TTLL9: variants seen among roughly 807,000 people sequenced by gnomAD.
The protein encoded by TTLL9 is probable tubulin polyglutamylase TTLL9.
Under a neutral mutation model 65.6 loss-of-function variants are expected in TTLL9, and 47 were observed. The ratio of observed to expected loss-of-function variants is 0.72; its 90% CI spans 0.57 to 0.91. The LOEUF (loss-of-function observed/expected upper bound fraction) is 0.91, where lower values mean the gene tolerates loss of function less well. Among genes scored for constraint, TTLL9 ranks in the 40% least tolerant of loss-of-function variants. The pLI is 0.00. For missense variants in TTLL9, 537 were observed against 568.8 expected (o/e 0.94, Z 0.57); for synonymous variants, 179 against 204.8 (o/e 0.87, Z 1.07).
At chr20:31,936,564 G>A (rs865850521) in intron 12 of TTLL9, among the ~76,000 whole-genome samples, 3 of 152,028 alleles carry the variant, frequency 2.0e-5, no homozygotes, top group African/African-American at 7.3e-5. Flanking sequence ...GCACTCTCCT[G>A]GGGCTGGCCA....
At chr20:31,897,366 C>A (rs187565169) in intron 3 of TTLL9, among the ~76,000 whole-genome samples, 4 of 152,270 alleles carry the variant, frequency 2.6e-5, no homozygotes, top group Admixed American at 2.6e-4. Flanking sequence ...GGCTCCATAG[C>A]GGTAGCCTCT....
chr20:31,925,837 T>G, intron 9 of TTLL9: 1 of 1,534,964 alleles, frequency 6.5e-7, no homozygotes, highest in Non-Finnish European at 8.8e-7. Context: ...TATATTCCCT[T>G]TCCCTTCTCT....
At position 31,943,947 on chromosome 20, in the gene TTLL9, G is replaced by C. The variant is rs1343763489; in HGVS notation, c.*926G>C. ...GGGGCTGTTGGGGTAACTGTTCCAG[G>C]GGGGACTTACTCCCTCTACCACTCC... On this transcript the variant is annotated 3_prime_UTR_variant, in exon 15 of 15. Coordinates refer to ENST00000535842, the MANE Select transcript of TTLL9 (RefSeq NM_001008409.5). 9.7e-6 allele frequency: 4 copies of C among 412,294 alleles called. No homozygotes were observed. Among genetic ancestry groups the C allele is most frequent in the Admixed American group, 5.2e-5 (2 of 38,386 alleles). 25.5% of individuals were successfully genotyped at this position (412,294 alleles called of 1,614,324 possible).
chr20:31,925,175 T>C lies in TTLL9; in HGVS notation c.705+126T>C, dbSNP rs569500582. 7 of 978,732 alleles carry C rather than the reference T, an allele frequency of 7.2e-6. No individual in the cohort carries two copies. The South Asian group carries it at 8.9e-5, about 12-fold the overall frequency. The allele number at this position is 978,732 out of a possible 1,614,324, so 60.6% of individuals were successfully genotyped here. ...TCTGGTTTTATCTCTCCCTGGGAGA[T>C]CCCCGAGGGACATCTAGGGATAGGG... On this transcript the variant is annotated intron_variant, in intron 9 of 14. Coordinates refer to ENST00000535842, the MANE Select transcript of TTLL9 (RefSeq NM_001008409.5).
At position 31,903,669 on chromosome 20, in the gene TTLL9, A is replaced by T. The variant is rs146264899; in HGVS notation, c.207-4922A>T. Among the ~76,000 whole-genome samples, 892 of 152,304 alleles carry T rather than the reference A, an allele frequency of 5.9e-3. 7 individuals are homozygous for T. Among genetic ancestry groups the T allele is most frequent in the African/African-American group, 0.021 (857 of 41,556 alleles). Reference sequence around the variant, plus strand: ...GGTGTGAGGTAGGTGTCCAACTTTAATATTTTAAAATACTTATTTTTAAAC... The same window carrying T: ...GGTGTGAGGTAGGTGTCCAACTTTATTATTTTAAAATACTTATTTTTAAAC... On this transcript the variant is annotated intron_variant, in intron 4 of 14. Transcript: ENST00000535842.
intron 6 of TTLL9, among the ~76,000 whole-genome samples, chr20:31,914,988 G>A (rs531393062): frequency 1.4e-4 from 21 of 152,298 alleles, no homozygotes; most frequent in African/African-American, 4.8e-4. Context: ...AAATATGTGC[G>A]CTTTTCATTA....
chr20:31,898,604 G>T, intron 4 of TTLL9, 39 bp downstream of exon 4: 1 of 1,572,114 alleles, frequency 6.4e-7, no homozygotes, highest in Non-Finnish European at 8.7e-7. Flanking sequence ...CCTTCCCTTT[G>T]TCTCACAGGT....
intron 3 of TTLL9, among the ~76,000 whole-genome samples, chr20:31,890,031 T>TTTCC (rs1555809802): frequency 7.6e-4 from 87 of 114,574 alleles, no homozygotes; most frequent in Admixed American, 1.6e-3. Flanking sequence ...TCTTTCTTTC[T>TTTCC]TTCCTTCCTT....
At chr20:31,879,838 A>T (rs1361815149) in intron 2 of TTLL9, 5 of 1,549,674 alleles carry the variant, frequency 3.2e-6, no homozygotes, top group Non-Finnish European at 4.4e-6. Context: ...TAAGCACGCG[A>T]GGCGCGCGGT....
At chr20:31,898,991 C>T (rs911342554) in intron 4 of TTLL9, among the ~76,000 whole-genome samples, 1 of 152,234 alleles carries the variant, frequency 6.6e-6, no homozygotes, top group Non-Finnish European at 1.5e-5. Context: ...GCCTGTAAGC[C>T]TACCTTTCTT....
At chr20:31,883,203 T>A (rs2063142792) in intron 2 of TTLL9, among the ~76,000 whole-genome samples, 1 of 149,664 alleles carries the variant, frequency 6.7e-6, no homozygotes, top group African/African-American at 2.4e-5. Flanking sequence ...ATTCTTTCTT[T>A]TTTTTTTTTT....
intron 12 of TTLL9, among the ~76,000 whole-genome samples, chr20:31,935,422 A>G (rs2064093554): frequency 6.6e-6 from 1 of 152,192 alleles, no homozygotes; most frequent in Non-Finnish European, 1.5e-5. Flanking sequence ...GCTTGAGGTC[A>G]TGTAGCAAGT....
intron 4 of TTLL9, among the ~76,000 whole-genome samples, chr20:31,903,676 A>T (rs985520296): frequency 6.6e-6 from 1 of 152,194 alleles, no homozygotes; most frequent in Non-Finnish European, 1.5e-5. Flanking sequence ...TTAATATTTT[A>T]AAATACTTAT....
At chr20:31,887,620 T>TCAACAA (rs2063211931) in intron 3 of TTLL9, among the ~76,000 whole-genome samples, 1 of 152,146 alleles carries the variant, frequency 6.6e-6, no homozygotes, top group Non-Finnish European at 1.5e-5. Flanking sequence ...AACAACCCTG[T>TCAACAA]GATGACTTGA....
In TTLL9 at chr20:31,887,151, C is replaced by T. The variant is rs780131762; in HGVS notation, c.70-45C>T. The T allele has an allele frequency of 5.6e-6, 9 of 1,596,252 alleles. No homozygotes were observed. The East Asian group carries it at 1.6e-4, about 28-fold the overall frequency. ...AGTAAGTTAACCTGGGAAAACAGGG[C>T]AGATATACAAAACCAGTTACATCCT... On this transcript the variant is annotated intron_variant, in intron 2 of 14. Coordinates refer to ENST00000535842, the MANE Select transcript of TTLL9 (RefSeq NM_001008409.5).
intron 10 of TTLL9, among the ~76,000 whole-genome samples, chr20:31,931,245 A>G (rs1297847552): frequency 6.6e-6 from 1 of 151,410 alleles, no homozygotes; most frequent in Non-Finnish European, 1.5e-5. Flanking sequence ...ATGCCCAGCT[A>G]ATTTTTAAAT....
chr20:31,931,967 C>A (rs1304751550), intron 10 of TTLL9, among the ~76,000 whole-genome samples: 1 of 152,210 alleles, frequency 6.6e-6, no homozygotes, highest in African/African-American at 2.4e-5. Context: ...TACTCAAGGT[C>A]ACAGTGACTT....
At chr20:31,930,602 C>T (rs2063992605) in intron 10 of TTLL9, among the ~76,000 whole-genome samples, 1 of 152,184 alleles carries the variant, frequency 6.6e-6, no homozygotes, top group African/African-American at 2.4e-5. Flanking sequence ...GCATTTGCTA[C>T]ACATCTTTTC....
intron 2 of TTLL9, chr20:31,879,896 A>T: frequency 6.5e-7 from 1 of 1,550,064 alleles, no homozygotes; most frequent in Non-Finnish European, 8.7e-7. Context: ...TCGCGACCGA[A>T]GGTAGGAGTC....
Sources: allele counts gnomAD v4.1 joint callset (sites outside exome capture counted in the v4.1 genomes callset), GRCh38; gene constraint gnomAD v4.1.1; transcripts MANE v1.5; gene names NCBI Gene and HGNC (gene_info 2026-07-23, HGNC 2026-07-21).